The following SUGCT variants were observed in gnomAD, a reference collection of about 807,000 sequenced individuals.
The protein encoded by SUGCT is succinyl-CoA:glutarate-CoA transferase.
Under a neutral mutation model 55.0 loss-of-function variants are expected in SUGCT, and 41 were observed. The observed-to-expected ratio is 0.74, with a 90% CI of 0.58 to 0.97. SUGCT has a LOEUF of 0.97. Ranked by LOEUF, SUGCT falls within the 50% of genes least tolerant of loss-of-function variation. The probability of loss-of-function intolerance (pLI) is 0.00; values close to 1 mark genes in which losing one functional copy is unlikely to be tolerated. For missense variants in SUGCT, 568 were observed against 547.8 expected (o/e 1.04, Z -0.37); for synonymous variants, 187 against 200.4 (o/e 0.93, Z 0.56).
chr7:40,348,785 C>T (rs1012039406), intron 9 of SUGCT, among the ~76,000 whole-genome samples: 1 of 152,110 alleles, frequency 6.6e-6, no homozygotes, highest in Non-Finnish European at 1.5e-5. Flanking sequence ...GAATTTTACT[C>T]TTTTACCCTT....
the SUGCT span, among the ~76,000 whole-genome samples, chr7:41,002,548 A>G: frequency 6.6e-6 from 1 of 152,288 alleles, no homozygotes; most frequent in African/African-American, 2.4e-5. Context: ...AGGGAAACCC[A>G]AGGAGGGCTG....
At chr7:40,643,288 G>T (rs565817874) in intron 12 of SUGCT, among the ~76,000 whole-genome samples, 1 of 152,262 alleles carries the variant, frequency 6.6e-6, no homozygotes, top group South Asian at 2.1e-4. Flanking sequence ...GTCAAGATGA[G>T]CCAAACCGTG....
At chr7:40,219,183 C>T (rs1053939926) in intron 6 of SUGCT, among the ~76,000 whole-genome samples, 1 of 152,020 alleles carries the variant, frequency 6.6e-6, no homozygotes, top group South Asian at 2.1e-4. Context: ...CTGAAGTCAG[C>T]GAGACCAGGA....
intron 9 of SUGCT, among the ~76,000 whole-genome samples, chr7:40,343,713 G>T (rs1472639247): frequency 2.6e-5 from 4 of 151,944 alleles, no homozygotes; most frequent in Non-Finnish European, 2.9e-5. Context: ...CTGGAGTGCA[G>T]TGGCGCAATC....
chr7:40,522,617 G>T (rs1164819893), intron 12 of SUGCT, among the ~76,000 whole-genome samples: 1 of 152,052 alleles, frequency 6.6e-6, no homozygotes, highest in African/African-American at 2.4e-5. Flanking sequence ...AAAAAATTTT[G>T]TAGGAAATAT....
chr7:40,658,688 C>G (rs1334270728), intron 12 of SUGCT, among the ~76,000 whole-genome samples: 1 of 152,182 alleles, frequency 6.6e-6, no homozygotes, highest in Non-Finnish European at 1.5e-5. Context: ...TTGGGATAGG[C>G]TTACAATTAT....
At chr7:40,154,869 A>G (rs1783804495) in intron 1 of SUGCT, among the ~76,000 whole-genome samples, 2 of 152,246 alleles carry the variant, frequency 1.3e-5, no homozygotes, top group South Asian at 4.1e-4. Context: ...TGCCTTAAAA[A>G]TTAAAATGCA....
intron 12 of SUGCT, among the ~76,000 whole-genome samples, chr7:40,660,511 C>T (rs2151853340): frequency 6.6e-6 from 1 of 152,282 alleles, no homozygotes; most frequent in East Asian, 1.9e-4. Flanking sequence ...CCCGCCTCGG[C>T]CTCCCAAAGT....
intron 12 of SUGCT, among the ~76,000 whole-genome samples, chr7:40,602,075 G>T (rs1055836931): frequency 6.6e-6 from 1 of 152,136 alleles, no homozygotes; most frequent in Non-Finnish European, 1.5e-5. Flanking sequence ...TTCACTTTAA[G>T]TAATCTCAGC....
At chr7:40,685,119 AG>A (rs1315520322) in intron 12 of SUGCT, among the ~76,000 whole-genome samples, 1 of 152,036 alleles carries the variant, frequency 6.6e-6, no homozygotes, top group Non-Finnish European at 1.5e-5. Context: ...GGCCTCCCAA[AG>A]TGCTGGGATT....
chr7:41,001,144 A>G, the SUGCT span, among the ~76,000 whole-genome samples: 1 of 152,164 alleles, frequency 6.6e-6, no homozygotes, highest in Admixed American at 6.5e-5. Context: ...ATTTAACATG[A>G]TGAGTCTGAA....
intron 6 of SUGCT, among the ~76,000 whole-genome samples, chr7:40,197,497 G>T (rs1200911358): frequency 6.6e-6 from 1 of 152,212 alleles, no homozygotes; most frequent in Non-Finnish European, 1.5e-5. Flanking sequence ...AGACTGGTTA[G>T]GTTTGGCTCC....
intron 9 of SUGCT, among the ~76,000 whole-genome samples, chr7:40,399,541 G>A (rs1785946998): frequency 6.6e-6 from 1 of 152,138 alleles, no homozygotes; most frequent in South Asian, 2.1e-4. Flanking sequence ...CCAGGAGATT[G>A]AGAGTTTCCT....
intron 8 of SUGCT, among the ~76,000 whole-genome samples, chr7:40,310,125 A>G (rs545787370): frequency 6.6e-6 from 1 of 152,254 alleles, no homozygotes; most frequent in South Asian, 2.1e-4. Context: ...AGCAGAGAAA[A>G]CTGATAAACA....
chr7:40,548,353 T>TAATTTTTTAA (rs1562853730), intron 12 of SUGCT, among the ~76,000 whole-genome samples: 2 of 152,032 alleles, frequency 1.3e-5, no homozygotes, highest in Non-Finnish European at 2.9e-5. Flanking sequence ...GGCACACTGC[T>TAATTTTTTAA]AATTTTTTAA....
chr7:40,455,786 A>G (rs1395207466), intron 10 of SUGCT, among the ~76,000 whole-genome samples: 2 of 152,186 alleles, frequency 1.3e-5, no homozygotes, highest in African/African-American at 4.8e-5. Flanking sequence ...ACCTTCCTGC[A>G]TATGCAAAGA....
intron 12 of SUGCT, among the ~76,000 whole-genome samples, chr7:40,648,890 A>G (rs1800646189): frequency 6.6e-6 from 1 of 152,126 alleles, no homozygotes; most frequent in Non-Finnish European, 1.5e-5. Context: ...CTGTGGGAGG[A>G]TACATTTTTG....
Position 40,190,031 on chromosome 7 carries a change from T to C in SUGCT, c.363+437T>C, listed in dbSNP as rs990920169. Among the ~76,000 whole-genome samples, 41 of 152,176 alleles carry C rather than the reference T, an allele frequency of 2.7e-4. 1 individual carries two copies. Among genetic ancestry groups the C allele is most frequent in the Admixed American group, 2.3e-3 (35 of 15,262 alleles). On this transcript the variant is annotated intron_variant, in intron 5 of 13. Transcript: ENST00000335693. ...GGTCACATCACTGGAAAGTCCAAGC[T>C]TTCTCTAACCCTTACTCAGATGACC...
intron 9 of SUGCT, among the ~76,000 whole-genome samples, chr7:40,442,906 T>A (rs1210938401): frequency 6.6e-6 from 1 of 152,186 alleles, no homozygotes; most frequent in Admixed American, 6.5e-5. Context: ...CAGTGTGTGA[T>A]GCTCTCCATC....
Sources: allele counts gnomAD v4.1 joint callset (sites outside exome capture counted in the v4.1 genomes callset), GRCh38; gene constraint gnomAD v4.1.1; transcripts MANE v1.5; gene names NCBI Gene and HGNC (gene_info 2026-07-23, HGNC 2026-07-21).